Variants in RFFL observed in about 807,000 individuals in gnomAD.
RFFL encodes E3 ubiquitin-protein ligase rififylin.
In RFFL, 16 loss-of-function variants were observed where a neutral mutation model predicts 40.4. The observed-to-expected ratio is 0.40, with a 90% confidence interval of 0.27 to 0.60. RFFL has a LOEUF of 0.60. Among genes scored for constraint, RFFL ranks in the 20% least tolerant of loss-of-function variants. The pLI, the probability that RFFL is intolerant of heterozygous loss-of-function variation, is 0.47. For missense variants in RFFL, 367 were observed against 451.7 expected (o/e 0.81, Z 1.70); for synonymous variants, 154 against 167.9 (o/e 0.92, Z 0.64).
At chr17:35,036,283 G>GA (rs2091121947) in intron 1 of RFFL, 1 of 152,158 alleles carries the variant, frequency 6.6e-6, no homozygotes, top group Admixed American at 6.5e-5. Context: ...GTGAGGTGTA[G>GA]AAAGAATTCT....
chr17:35,080,658 C>G (rs1319535476), intron 1 of RFFL, among the ~76,000 whole-genome samples: 8 of 152,146 alleles, frequency 5.3e-5, no homozygotes, highest in Admixed American at 6.5e-5. Flanking sequence ...ACTCAGAAGC[C>G]AGCAGAGCCT....
At chr17:35,063,295 A>G (rs976202368) in intron 1 of RFFL, among the ~76,000 whole-genome samples, 1 of 151,858 alleles carries the variant, frequency 6.6e-6, no homozygotes, top group Admixed American at 6.6e-5. Flanking sequence ...GTCTCTACTA[A>G]AAATACAAAA....
At chr17:35,054,299 A>C (rs912398542) in intron 1 of RFFL, among the ~76,000 whole-genome samples, 2 of 152,208 alleles carry the variant, frequency 1.3e-5, no homozygotes, top group African/African-American at 4.8e-5. Context: ...ATAAATATTT[A>C]CTGTAAAACA....
chr17:35,079,159 A>T (rs1035211682), intron 1 of RFFL, among the ~76,000 whole-genome samples: 1 of 152,092 alleles, frequency 6.6e-6, no homozygotes, highest in Admixed American at 6.5e-5. Context: ...TGTTCCTGGG[A>T]TTACAGGCAC....
intron 4 of RFFL, among the ~76,000 whole-genome samples, chr17:35,017,228 T>C (rs910625472): frequency 2.0e-5 from 3 of 152,160 alleles, no homozygotes; most frequent in African/African-American, 7.2e-5. Flanking sequence ...AACAAGACTT[T>C]AACAGCAGGA....
At chr17:35,058,227 C>A (rs990526661) in intron 1 of RFFL, among the ~76,000 whole-genome samples, 3 of 151,920 alleles carry the variant, frequency 2.0e-5, no homozygotes, top group Admixed American at 6.6e-5. Context: ...TATCCCCCCC[C>A]ACCATACTCA....
In RFFL at chr17:35,047,389, A is replaced by AC. The variant is rs1224706787; in HGVS notation, c.-9+16186_-9+16187insG. 3.3e-5 allele frequency among the ~76,000 whole-genome samples: 5 copies of AC among 152,340 alleles called. No individual in the cohort carries two copies. In the East Asian group the frequency reaches 7.7e-4, roughly 23 times the overall value. The stretch of plus-strand genomic sequence containing the variant: ...ATTCTGGTGTTATTTAACTCCTTTA[A>AC]TTAAAACCTGCTACATTGAAAAGAT... On this transcript the variant is annotated intron_variant, in intron 1 of 6. Transcript: ENST00000394597.
intron 1 of RFFL, among the ~76,000 whole-genome samples, chr17:35,077,809 ATTC>A (rs1346087190): frequency 1.3e-5 from 2 of 152,188 alleles, no homozygotes; most frequent in African/African-American, 4.8e-5. Context: ...GCCCAAGACA[ATTC>A]TTCTTCTTCC....
intron 1 of RFFL, among the ~76,000 whole-genome samples, chr17:35,049,323 CA>C (rs1304178149): frequency 2.0e-5 from 3 of 152,142 alleles, no homozygotes; most frequent in Non-Finnish European, 4.4e-5. Flanking sequence ...CACACACACA[CA>C]AACACATTAT....
At chr17:35,014,452 T>C (rs1398270026) in intron 6 of RFFL, among the ~76,000 whole-genome samples, 1 of 152,120 alleles carries the variant, frequency 6.6e-6, no homozygotes, top group Admixed American at 6.5e-5. Flanking sequence ...ATGCCACCCC[T>C]CCTCTGTTTC....
chr17:35,038,709 A>G (rs1039635737), intron 1 of RFFL, among the ~76,000 whole-genome samples: 5 of 152,228 alleles, frequency 3.3e-5, no homozygotes, highest in Non-Finnish European at 1.5e-5. Flanking sequence ...CAGGCAAACT[A>G]TGGTGTTCAA....
intron 1 of RFFL, among the ~76,000 whole-genome samples, chr17:35,086,833 T>C (rs1440217461): frequency 6.6e-6 from 1 of 152,182 alleles, no homozygotes; most frequent in Non-Finnish European, 1.5e-5. Flanking sequence ...TATTAAAGGT[T>C]CTATGACAAG....
rs1245774750 is a variant in RFFL, at chr17:35,011,793, A to G, written c.*175T>C. On this transcript the variant is annotated 3_prime_UTR_variant, in exon 7 of 7. Transcript: ENST00000394597. The stretch of plus-strand genomic sequence containing the variant: ...CTGGCCTTGGGCTTTGCCAGCCAAG[A>G]GGTACACCCCTGGGAAGACAGGCAT... The G allele has an allele frequency of 2.1e-5, 13 of 619,528 alleles. No individual in the cohort carries two copies. The East Asian group carries it at 3.6e-4, about 17-fold the overall frequency. 38.4% of individuals were successfully genotyped at this position (619,528 alleles called of 1,614,324 possible).
At chr17:35,072,420 G>C (rs918709188) in intron 1 of RFFL, among the ~76,000 whole-genome samples, 22 of 152,004 alleles carry the variant, frequency 1.4e-4, no homozygotes, top group African/African-American at 5.3e-4. Context: ...CAAAATTATA[G>C]AGACACCGAA....
At position 35,026,567 on chromosome 17, in the gene RFFL, G is replaced by A. The variant is rs1398854905; in HGVS notation, c.-8-6C>T. On this transcript the variant is annotated splice_polypyrimidine_tract_variant and splice_region_variant and intron_variant, in intron 1 of 6. Coordinates refer to ENST00000394597, the MANE Select transcript of RFFL (RefSeq NM_001017368.2). ...GGTTGCCCACATGATAAAATCTGGT[G>A]CAAGGGAGGAAAGGGGAAAAGGTCA... 6.2e-7 allele frequency: 1 copy of A among 1,611,298 alleles called. No individual in the cohort carries two copies. Among genetic ancestry groups the A allele is most frequent in the Non-Finnish European group, 8.5e-7 (1 of 1,178,798 alleles).
rs2090903027 is a variant in RFFL, at chr17:35,007,415, A to G, written c.*4553T>C. On this transcript the variant is annotated 3_prime_UTR_variant, in exon 7 of 7. Transcript: ENST00000394597. ...GCAGCCCTCAACATCATCATCATAA[A>G]TCTCTCCAGCAGAATGCTGGAGGCC... The G allele has an allele frequency of 6.6e-6, 1 of 152,148 alleles. No homozygotes were observed. Among genetic ancestry groups the G allele is most frequent in the Admixed American group, 6.5e-5 (1 of 15,272 alleles). The allele number at this position is 152,148 out of a possible 1,614,324, so 9.4% of individuals were successfully genotyped here.
intron 1 of RFFL, among the ~76,000 whole-genome samples, chr17:35,070,021 A>G (rs2091339205): frequency 6.6e-6 from 1 of 152,122 alleles, no homozygotes; most frequent in African/African-American, 2.4e-5. Flanking sequence ...AGATACACAC[A>G]TACATATATA....
At chr17:35,083,993 C>T (rs1197163661) in intron 1 of RFFL, among the ~76,000 whole-genome samples, 1 of 152,170 alleles carries the variant, frequency 6.6e-6, no homozygotes, top group Non-Finnish European at 1.5e-5. Context: ...AATCCCAGCA[C>T]TTTGGGAGGT....
intron 1 of RFFL, among the ~76,000 whole-genome samples, chr17:35,081,142 T>TA (rs904619186): frequency 5.0e-4 from 76 of 150,872 alleles, no homozygotes; most frequent in Admixed American, 2.6e-4. Flanking sequence ...CTTTTCAACC[T>TA]AAAAAAAAAG....
Sources: allele counts gnomAD v4.1 joint callset (sites outside exome capture counted in the v4.1 genomes callset), GRCh38; gene constraint gnomAD v4.1.1; transcripts MANE v1.5; gene names NCBI Gene and HGNC (gene_info 2026-07-23, HGNC 2026-07-21).